Variants in MAP4K4 observed in about 807,000 individuals in gnomAD.
MAP4K4 encodes HPK/GCK-like kinase HGK.
MAP4K4 carries 38 observed loss-of-function variants against 189.6 expected under a neutral mutation model. The ratio of observed to expected loss-of-function variants is 0.20; its 90% confidence interval spans 0.15 to 0.26. MAP4K4 has a LOEUF of 0.26. Among genes scored for constraint, MAP4K4 ranks in the 10% least tolerant of loss-of-function variants. MAP4K4 has a pLI of 1.00. For missense variants in MAP4K4, 1,054 were observed against 1,726.9 expected (o/e 0.61, Z 6.91); for synonymous variants, 610 against 624.3 (o/e 0.98, Z 0.34).
At chr2:101,718,069 CA>C (rs1212574847) in intron 2 of MAP4K4, among the ~76,000 whole-genome samples, 1 of 151,964 alleles carries the variant, frequency 6.6e-6, no homozygotes, top group African/African-American at 2.4e-5. Context: ...CCAGCCTGAC[CA>C]ACATGGAGAA....
chr2:101,836,097 A>G (rs887317769), intron 9 of MAP4K4, 119 bp downstream of exon 9: 8 of 678,948 alleles, frequency 1.2e-5, no homozygotes, highest in African/African-American at 5.5e-5. Context: ...CCCAAGAGCC[A>G]GTTCTCCAAA....
intron 3 of MAP4K4, among the ~76,000 whole-genome samples, chr2:101,822,857 G>A (rs1455176065): frequency 6.6e-6 from 1 of 152,184 alleles, no homozygotes; most frequent in African/African-American, 2.4e-5. Flanking sequence ...GAAAATGTAT[G>A]CAGTATAGGG....
chr2:101,866,396 A>G (rs1377757717), intron 18 of MAP4K4, 32 bp from the exon 19 acceptor site: 5 of 1,592,684 alleles, frequency 3.1e-6, no homozygotes, highest in South Asian at 1.1e-5. Flanking sequence ...GAGATGACAC[A>G]TTAGCTGTTC....
chr2:101,793,289 C>T (rs2148848703), intron 3 of MAP4K4, among the ~76,000 whole-genome samples: 1 of 152,320 alleles, frequency 6.6e-6, no homozygotes, highest in East Asian at 1.9e-4. Flanking sequence ...GTGACCTTTG[C>T]TATAGCATGG....
At chr2:101,750,933 GC>G (rs1315867513) in intron 2 of MAP4K4, among the ~76,000 whole-genome samples, 8 of 151,926 alleles carry the variant, frequency 5.3e-5, no homozygotes, top group African/African-American at 1.7e-4. Context: ...GTTTGCTTCT[GC>G]TGTAAGTCCT....
chr2:101,760,871 C>T (rs953160863), intron 2 of MAP4K4, among the ~76,000 whole-genome samples: 4 of 151,704 alleles, frequency 2.6e-5, no homozygotes, highest in Admixed American at 1.3e-4. Context: ...GGCGTGGTGG[C>T]GCATGCCTGT....
intron 24 of MAP4K4, 103 bp from the exon 25 acceptor site, chr2:101,873,544 G>T (rs982167972): frequency 2.7e-5 from 18 of 669,616 alleles, no homozygotes; most frequent in Non-Finnish European, 4.7e-5. Context: ...ATAGAGCAAA[G>T]TATTGGGAAA....
chr2:101,785,763 T>C lies in MAP4K4; in HGVS notation c.124-4957T>C, dbSNP rs1486274653. ...CTCTCTCTCTCTCTCTCTCTCTCTC[T>C]CTCTCTCTCTCTCTCTCTCTCTCTC... On this transcript the variant is annotated intron_variant, in intron 2 of 32. Coordinates refer to ENST00000324219, the Ensembl canonical transcript of MAP4K4. 6.7e-3 allele frequency among the ~76,000 whole-genome samples: 128 copies of C among 19,242 alleles called. 1 individual carries two copies. The highest frequency in any genetic ancestry group is 0.028 in the Middle Eastern group (1 of 36). 12.6% of individuals were successfully genotyped at this position (19,242 alleles called of 152,430 possible).
intron 2 of MAP4K4, among the ~76,000 whole-genome samples, chr2:101,729,595 A>G (rs1044895859): frequency 4.6e-5 from 7 of 152,226 alleles, no homozygotes; most frequent in African/African-American, 1.7e-4. Flanking sequence ...CTGAATAAAC[A>G]TTTATTTTGA....
chr2:101,861,334 G>A (rs2097649143), intron 16 of MAP4K4: 1 of 181,768 alleles, frequency 5.5e-6, no homozygotes, highest in South Asian at 1.5e-4. Flanking sequence ...GGGAGAGCCA[G>A]GAATTTTCTT....
At chr2:101,723,469 T>G (rs1032988344) in intron 2 of MAP4K4, among the ~76,000 whole-genome samples, 1 of 152,152 alleles carries the variant, frequency 6.6e-6, no homozygotes, top group Non-Finnish European at 1.5e-5. Flanking sequence ...TCTAATTTGC[T>G]TTTTGCCCAA....
At chr2:101,866,694 T>G in intron 19 of MAP4K4, 115 bp downstream of exon 19, 1 of 1,293,416 alleles carries the variant, frequency 7.7e-7, no homozygotes, top group South Asian at 1.5e-5. Context: ...AAACAATGTT[T>G]TAGCATAGGT....
intron 2 of MAP4K4, among the ~76,000 whole-genome samples, chr2:101,734,294 G>A (rs1159605952): frequency 6.6e-6 from 1 of 152,124 alleles, no homozygotes; most frequent in Admixed American, 6.5e-5. Context: ...CCCTCATTTT[G>A]TCTTTTACTG....
exon 23 of MAP4K4, chr2:101,870,322 AACGGAATCTGTGAAAACCATG>A (rs2097948777): frequency 1.2e-6 from 2 of 1,613,232 alleles, no homozygotes; most frequent in African/African-American, 2.7e-5. Context: ...GCAATGGTGA[AACGGAATCTGTGAAAACCATG>A]ATTGTCCATG....
intron 16 of MAP4K4, among the ~76,000 whole-genome samples, chr2:101,863,500 A>G (rs1377142648): frequency 6.6e-6 from 1 of 152,196 alleles, no homozygotes; most frequent in Non-Finnish European, 1.5e-5. Context: ...GCAACACATC[A>G]TAACCCCTTT....
intron 23 of MAP4K4, among the ~76,000 whole-genome samples, chr2:101,871,210 A>G (rs1205945683): frequency 2.0e-5 from 3 of 152,206 alleles, no homozygotes; most frequent in African/African-American, 7.2e-5. Context: ...AAAGAAAAAA[A>G]AAAGGATACT....
chr2:101,751,767 C>T (rs560649736), intron 2 of MAP4K4, among the ~76,000 whole-genome samples: 1 of 152,266 alleles, frequency 6.6e-6, no homozygotes, highest in Non-Finnish European at 1.5e-5. Context: ...CTACAGACAC[C>T]TGTAGGTAGG....
At chr2:101,792,671 T>G (rs2093126337) in intron 3 of MAP4K4, among the ~76,000 whole-genome samples, 1 of 151,396 alleles carries the variant, frequency 6.6e-6, no homozygotes, top group Non-Finnish European at 1.5e-5. Flanking sequence ...AGTCTCACTC[T>G]GTCACCCAGG....
chr2:101,801,615 C>T (rs1046424435), intron 3 of MAP4K4, among the ~76,000 whole-genome samples: 1 of 152,210 alleles, frequency 6.6e-6, no homozygotes, highest in African/African-American at 2.4e-5. Flanking sequence ...GTGAGCCACT[C>T]TTACCAGTTC....
Sources: allele counts gnomAD v4.1 joint callset (sites outside exome capture counted in the v4.1 genomes callset), GRCh38; gene constraint gnomAD v4.1.1; transcripts MANE v1.5; gene names NCBI Gene and HGNC (gene_info 2026-07-23, HGNC 2026-07-21).